Variants in PRKAR1A observed in about 807,000 individuals in gnomAD.
PRKAR1A encodes cAMP-dependent protein kinase type I-alpha regulatory subunit.
Under a neutral mutation model 52.0 loss-of-function variants are expected in PRKAR1A, and 3 were observed. The ratio of observed to expected loss-of-function variants is 0.06; its 90% CI spans 0.03 to 0.15. The LOEUF is 0.15. Among genes scored for constraint, PRKAR1A ranks in the 10% least tolerant of loss-of-function variants. PRKAR1A has a pLI of 1.00. For synonymous variants in PRKAR1A, 188 were observed against 168.4 expected (o/e 1.12, Z -0.90); for missense variants, 240 against 477.4 (o/e 0.50, Z 4.63).
At chr17:68,457,397 G>T in the PRKAR1A span, 1,005 of 1,532,040 alleles carry the variant, frequency 6.6e-4, no homozygotes, top group Non-Finnish European at 6.7e-4. Context: ...CCGCCCGGGG[G>T]AGCGTCCGCG....
chr17:68,433,536 T>C, the PRKAR1A span: 1 of 1,613,994 alleles, frequency 6.2e-7, no homozygotes, highest in East Asian at 2.2e-5. Flanking sequence ...AGAGGAATTG[T>C]GAATCCATAC....
the PRKAR1A span, among the ~76,000 whole-genome samples, chr17:68,465,092 A>AT: frequency 0.012 from 1,717 of 148,454 alleles, 24 homozygotes; most frequent in African/African-American, 0.035. Flanking sequence ...CGCCCGGCTA[A>AT]TTTTTTTTTT....
At chr17:68,524,803 A>G in intron 5 of PRKAR1A, 109 bp from the exon 6 acceptor site, 2 of 856,746 alleles carry the variant, frequency 2.3e-6, no homozygotes, top group South Asian at 2.7e-5. Flanking sequence ...GTTAGTTTGT[A>G]ACACACTCTC....
At chr17:68,440,629 T>G in the PRKAR1A span, 2 of 152,216 alleles carry the variant, frequency 1.3e-5, no homozygotes, top group Non-Finnish European at 2.9e-5. Flanking sequence ...GTGTTATAGC[T>G]TGACACATAT....
downstream of PRKAR1A, among the ~76,000 whole-genome samples, chr17:68,534,802 G>T (rs778053818): frequency 1.3e-5 from 2 of 152,106 alleles, no homozygotes; most frequent in Admixed American, 6.5e-5. Context: ...TTAAACATGC[G>T]TTAACATAAA....
At chr17:68,414,648 C>G in the PRKAR1A span, among the ~76,000 whole-genome samples, 150 of 151,948 alleles carry the variant, frequency 9.9e-4, 1 homozygote, top group East Asian at 0.02. Context: ...GTGGATCCAT[C>G]TGGTCCTAGA....
chr17:68,446,135 AG>A, the PRKAR1A span, among the ~76,000 whole-genome samples: 1 of 152,174 alleles, frequency 6.6e-6, no homozygotes, highest in Non-Finnish European at 1.5e-5. Context: ...AGAATGATGA[AG>A]GTCATCAGTG....
chr17:68,436,233 A>G, the PRKAR1A span: 1 of 698,464 alleles, frequency 1.4e-6, no homozygotes. Flanking sequence ...CCCGAGGGGA[A>G]ATAGTATCAC....
At chr17:68,541,155 T>A in intron 11 of PRKAR1A, 2 of 694,120 alleles carry the variant, frequency 2.9e-6, no homozygotes, top group Non-Finnish European at 4.6e-6. Context: ...AGGTCCTGGG[T>A]CCTTTAAGTC....
At chr17:68,420,179 C>T in the PRKAR1A span, 2 of 1,612,756 alleles carry the variant, frequency 1.2e-6, no homozygotes, top group East Asian at 4.5e-5. Flanking sequence ...TGTTGTCATT[C>T]CCTCTCTAGG....
At chr17:68,493,401 A>G in the PRKAR1A span, among the ~76,000 whole-genome samples, 9 of 152,000 alleles carry the variant, frequency 5.9e-5, no homozygotes, top group Admixed American at 1.3e-4. Flanking sequence ...ATATTTTTTA[A>G]AAGTTAAGTT....
chr17:68,431,384 G>A, the PRKAR1A span, among the ~76,000 whole-genome samples: 1 of 152,008 alleles, frequency 6.6e-6, no homozygotes, highest in Admixed American at 6.6e-5. Context: ...AGCCCGGCAC[G>A]TGGCGCATAC....
the PRKAR1A span, among the ~76,000 whole-genome samples, chr17:68,490,806 C>T: frequency 4.6e-5 from 7 of 152,132 alleles, no homozygotes; most frequent in South Asian, 6.2e-4. Context: ...GCAGTCTTAT[C>T]GTGTACCCTT....
chr17:68,534,589 A>AT (rs1310414701), downstream of PRKAR1A, among the ~76,000 whole-genome samples: 17 of 48,606 alleles, frequency 3.5e-4, no homozygotes, highest in Non-Finnish European at 5.1e-4. Flanking sequence ...GCATTTTTGT[A>AT]TTTTTTTTGT....
chr17:68,485,228 G>A, the PRKAR1A span, among the ~76,000 whole-genome samples: 2 of 152,200 alleles, frequency 1.3e-5, no homozygotes, highest in Non-Finnish European at 2.9e-5. Context: ...CAAGACAGAT[G>A]GAGAGTGGGA....
At chr17:68,465,625 A>ATTTTTTTTTTTTT in the PRKAR1A span, among the ~76,000 whole-genome samples, 2,465 of 67,116 alleles carry the variant, frequency 0.037, 432 homozygotes, top group Non-Finnish European at 0.045. Flanking sequence ...ACGCCCAGCA[A>ATTTTTTTTTTTTT]TTTTTTTTTT....
At chr17:68,482,283 C>T in the PRKAR1A span, among the ~76,000 whole-genome samples, 1 of 152,194 alleles carries the variant, frequency 6.6e-6, no homozygotes, top group Non-Finnish European at 1.5e-5. Context: ...CATGTTTGCA[C>T]ACATTCTCAT....
At chr17:68,489,209 T>C in the PRKAR1A span, among the ~76,000 whole-genome samples, 5 of 40,116 alleles carry the variant, frequency 1.2e-4, no homozygotes, top group African/African-American at 5.2e-4. Flanking sequence ...TATATATATA[T>C]ATATATATAT....
rs752243808 is a variant in PRKAR1A, at chr17:68,522,860, G to A, written c.282G>A (p.Arg94=). The change falls in exon 3 of 11, where the codon AGG becomes AGA. Residue 94 remains arginine, a synonymous_variant. Coordinates refer to ENST00000589228, the MANE Select transcript of PRKAR1A (RefSeq NM_002734.5). ...CACCCAACCCAGTGGTTAAAGGTAG[G>A]AGGCGACGAGGTGCTATCAGCGCTG... ...PPPPNPVVKG[R]RRRGAISAEV... is the part of the protein sequence containing the mutation. 5.0e-6 allele frequency: 8 copies of A among 1,613,832 alleles called. No individual in the cohort carries two copies. The South Asian group carries it at 7.7e-5, about 16-fold the overall frequency.
Sources: allele counts gnomAD v4.1 joint callset (sites outside exome capture counted in the v4.1 genomes callset), GRCh38; gene constraint gnomAD v4.1.1; transcripts MANE v1.5; gene names NCBI Gene and HGNC (gene_info 2026-07-23, HGNC 2026-07-21).